The following C12orf76 variants were observed in gnomAD, a reference collection of about 807,000 sequenced individuals.
C12orf76 encodes the protein uncharacterized protein C12orf76.
A neutral mutation model predicts 6.8 loss-of-function variants in C12orf76; 6 were observed. The ratio of observed to expected loss-of-function variants is 0.88; its 90% CI spans 0.48 to 1.73. The LOEUF is 1.73. Ranked by LOEUF, C12orf76 falls within the 40% of genes most tolerant of loss-of-function variation. C12orf76 has a pLI of 0.01. For synonymous variants in C12orf76, 56 were observed against 43.7 expected (o/e 1.28, Z -1.11); for missense variants, 99 against 98.2 (o/e 1.01, Z -0.03).
chr12:110,061,734 C>T (rs1291478730), intron 2 of C12orf76, among the ~76,000 whole-genome samples: 2 of 151,668 alleles, frequency 1.3e-5, no homozygotes, highest in Admixed American at 6.6e-5. Flanking sequence ...GATGGGGTTT[C>T]ACCATCTTGG....
chr12:110,071,407 A>AAT (rs998484380), upstream of C12orf76, among the ~76,000 whole-genome samples: 13 of 151,824 alleles, frequency 8.6e-5, no homozygotes, highest in South Asian at 2.1e-4. Context: ...TTTGTATACA[A>AAT]ATATATATAT....
chr12:110,063,578 C>T (rs572480386), intron 2 of C12orf76, among the ~76,000 whole-genome samples: 1 of 151,334 alleles, frequency 6.6e-6, no homozygotes, highest in Non-Finnish European at 1.5e-5. Flanking sequence ...GTATAAGCCA[C>T]CACGCCTGGT....
At chr12:110,045,321 A>G (rs1892421543) in intron 1 of C12orf76, among the ~76,000 whole-genome samples, 1 of 152,242 alleles carries the variant, frequency 6.6e-6, no homozygotes, top group South Asian at 2.1e-4. Flanking sequence ...GGCTGTGCGC[A>G]GCGGCTCAAG....
At chr12:110,051,066 G>T, upstream of C12orf76, 1 of 780,284 alleles carries the variant, frequency 1.3e-6, no homozygotes, top group Non-Finnish European at 2.4e-6. Flanking sequence ...CTTTCTCCAC[G>T]ATCTCCTCTT....
chr12:110,071,327 A>G (rs1377502992), upstream of C12orf76, among the ~76,000 whole-genome samples: 1 of 152,174 alleles, frequency 6.6e-6, no homozygotes, highest in Non-Finnish European at 1.5e-5. Flanking sequence ...CCAGATCTCA[A>G]ATTCCAAACT....
chr12:110,050,858 C>G (rs1892562308), upstream of C12orf76: 3 of 605,774 alleles, frequency 5.0e-6, no homozygotes. Flanking sequence ...ATCCAAGAAC[C>G]CCCTCTTGGG....
At chr12:110,043,103 C>T (rs548749277) in intron 1 of C12orf76, among the ~76,000 whole-genome samples, 13 of 151,976 alleles carry the variant, frequency 8.6e-5, no homozygotes, top group African/African-American at 2.7e-4. Context: ...TGAGACCTTA[C>T]GAGTGAGGCT....
chr12:110,063,177 T>C (rs193073983), intron 2 of C12orf76, among the ~76,000 whole-genome samples: 2 of 149,448 alleles, frequency 1.3e-5, no homozygotes, highest in Non-Finnish European at 1.5e-5. Flanking sequence ...TGACCTCAAG[T>C]GATCCGCCCG....
At chr12:110,070,904 A>G (rs1892953928), upstream of C12orf76, among the ~76,000 whole-genome samples, 1 of 152,156 alleles carries the variant, frequency 6.6e-6, no homozygotes, top group Admixed American at 6.6e-5. Flanking sequence ...CTTACCGAGT[A>G]GCTGGAATTA....
intron 2 of C12orf76, among the ~76,000 whole-genome samples, chr12:110,063,326 C>T (rs1249254388): frequency 2.0e-5 from 3 of 151,990 alleles, no homozygotes; most frequent in Admixed American, 2.0e-4. Context: ...TCTCATCACC[C>T]AGGGTGGGGT....
At chr12:110,043,151 G>A (rs886475236) in intron 1 of C12orf76, among the ~76,000 whole-genome samples, 1 of 152,056 alleles carries the variant, frequency 6.6e-6, no homozygotes, top group African/African-American at 2.4e-5. Flanking sequence ...GATCAGCTAA[G>A]GAAGGGCCTT....
intron 1 of C12orf76, 35 bp from the exon 2 acceptor site, chr12:110,042,494 G>T: frequency 7.0e-7 from 1 of 1,421,090 alleles, no homozygotes; most frequent in Non-Finnish European, 9.9e-7. Flanking sequence ...CCTAATGGCA[G>T]CTCCAGGTTA....
At chr12:110,069,175 T>C (rs1282422879), upstream of C12orf76, among the ~76,000 whole-genome samples, 1 of 152,204 alleles carries the variant, frequency 6.6e-6, no homozygotes, top group Non-Finnish European at 1.5e-5. Context: ...GCACGGTGCC[T>C]CACGCCTGTA....
chr12:110,048,422 C>T lies in C12orf76; in HGVS notation c.74G>A (p.Ser25Asn), dbSNP rs1398302735. 2 of 1,514,044 alleles carry T rather than the reference C, an allele frequency of 1.3e-6. No homozygotes were observed. The highest frequency in any genetic ancestry group is 4.1e-4 in the Middle Eastern group (2 of 4,878). 93.8% of individuals were successfully genotyped at this position (1,514,044 alleles called of 1,614,324 possible). A position where few individuals can be genotyped will look rare whatever the true frequency, so the allele number is the denominator to read the frequency against. ...GCTCCGCTCCAGCGGATCCACGGGGCTCGGGGCCTCTGCCTCCCCCACCAG... is the reference window on the plus strand; with the variant it reads ...GCTCCGCTCCAGCGGATCCACGGGGTTCGGGGCCTCTGCCTCCCCCACCAG... ...SLLVGEAEAPSPVDPLERSRP... is the reference protein window; with the variant it reads ...SLLVGEAEAPNPVDPLERSRP... The change falls in exon 1 of 2, where the codon AGC (serine) becomes AAC (asparagine). Residue 25 changes from serine (S) to asparagine (N), a missense_variant. Physicochemically the swap from Ser to Asn is conservative, Grantham distance 46. Transcript: ENST00000615315.
chr12:110,062,658 C>T (rs1003812693), intron 2 of C12orf76, among the ~76,000 whole-genome samples: 6 of 150,150 alleles, frequency 4.0e-5, no homozygotes, highest in African/African-American at 7.3e-5. Flanking sequence ...CTCACTCTGT[C>T]GCCTAGGCTG....
intron 1 of C12orf76, 106 bp downstream of exon 1, chr12:110,048,257 T>A: frequency 1.5e-6 from 2 of 1,322,272 alleles, no homozygotes; most frequent in Non-Finnish European, 2.0e-6. Flanking sequence ...CACTCACCCA[T>A]CTCCCCACTC....
chr12:110,046,625 T>G (rs1044061590), intron 1 of C12orf76, among the ~76,000 whole-genome samples: 3 of 152,218 alleles, frequency 2.0e-5, no homozygotes, highest in African/African-American at 7.2e-5. Flanking sequence ...CTCTAAGTGC[T>G]TGGATGTTGC....
chr12:110,053,147 G>A (rs540882519), upstream of C12orf76, among the ~76,000 whole-genome samples: 1 of 148,736 alleles, frequency 6.7e-6, no homozygotes, highest in Admixed American at 6.8e-5. Flanking sequence ...AGCCAATATC[G>A]TGCCACTGTA....
intron 2 of C12orf76, among the ~76,000 whole-genome samples, chr12:110,063,797 C>T (rs1413268533): frequency 4.0e-5 from 6 of 151,544 alleles, no homozygotes; most frequent in East Asian, 3.9e-4. Flanking sequence ...ATTCCAGCTA[C>T]TTGGGAGGCT....
Sources: gnomAD v4.1 joint callset for allele counts (sites outside exome capture counted in the v4.1 genomes callset) on GRCh38, gnomAD v4.1.1 for gene constraint, MANE v1.5 for transcripts, NCBI Gene and HGNC (gene_info 2026-07-23, HGNC 2026-07-21) for gene names.